The following FCAMR variants were observed in gnomAD, a reference collection of about 807,000 sequenced individuals.
The protein encoded by FCAMR is Fc alpha and mu receptor.
In FCAMR, 51 loss-of-function variants were observed where a neutral mutation model predicts 52.2. The ratio of observed to expected loss-of-function variants is 0.98; its 90% confidence interval spans 0.78 to 1.23. The LOEUF is 1.23. Among genes scored for constraint, FCAMR ranks in the 50% most tolerant of loss-of-function variants. The probability of loss-of-function intolerance (pLI) is 0.00; values close to 1 mark genes in which losing one functional copy is unlikely to be tolerated. For synonymous variants in FCAMR, 282 were observed against 262.0 expected, an observed-to-expected ratio of 1.08 and a Z score of -0.74; for missense variants, 719 against 712.6, an observed-to-expected ratio of 1.01 and a Z score of -0.10.
Position 206,959,546 on chromosome 1 carries a change from G to A in FCAMR, c.1573+133C>T. 3 of 655,962 alleles carry A rather than the reference G, an allele frequency of 4.6e-6. No homozygotes were observed. In the South Asian group the frequency reaches 6.2e-5, roughly 14 times the overall value. The allele number at this position is 655,962 out of a possible 1,614,324, so 40.6% of individuals were successfully genotyped here. A position where few individuals can be genotyped will look rare whatever the true frequency, so the allele number is the denominator to read the frequency against. On this transcript the variant is annotated intron_variant, in intron 7 of 7. Transcript: ENST00000324852. ...AGAAAAGAAACCAAGGCCAAGAGTG[G>A]TTAAATGGCTCAGCCTAGAATTTAG... is the stretch of plus-strand genomic sequence containing the variant.
At chr1:206,966,808 A>T (rs1048485254) in intron 3 of FCAMR, among the ~76,000 whole-genome samples, 1 of 152,210 alleles carries the variant, frequency 6.6e-6, no homozygotes, top group African/African-American at 2.4e-5. Flanking sequence ...TTTATTAAGC[A>T]TCTACTTGGG....
At chr1:206,959,552 T>C (rs562324212) in intron 7 of FCAMR, 127 bp downstream of exon 7, 5 of 662,666 alleles carry the variant, frequency 7.5e-6, no homozygotes, top group Admixed American at 4.7e-5. Flanking sequence ...AGTGGTTAAA[T>C]GGCTCAGCCT....
rs370988023 is a variant in FCAMR at position 206,965,836 on chromosome 1, T to C, written c.192A>G (p.Gln64=). 6.2e-7 allele frequency: 1 copy of C among 1,605,656 alleles called. No individual in the cohort carries two copies. Among genetic ancestry groups the C allele is most frequent in the Admixed American group, 1.7e-5 (1 of 58,918 alleles). ...LLQGSSFALP[Q]KRPHPRWLWE... is the part of the protein sequence containing the mutation. ...ACAGCCATCTCGGATGGGGTCTTTT[T>C]TGTGGAAGGGCGAAAGAAGAACCTG... The change falls in exon 4 of 8, where the codon CAA becomes CAG. Residue 64 remains glutamine, a synonymous_variant. Transcript: ENST00000324852.
intron 2 of FCAMR, among the ~76,000 whole-genome samples, chr1:206,967,319 C>G (rs904261972): frequency 1.3e-5 from 2 of 152,140 alleles, no homozygotes; most frequent in Non-Finnish European, 2.9e-5. Context: ...ACATTTTGGT[C>G]ACGTCCACGA....
chr1:206,958,764 G>T (rs1479016563), intron 7 of FCAMR, 88 bp from the exon 8 acceptor site: 2 of 1,559,306 alleles, frequency 1.3e-6, no homozygotes, highest in Non-Finnish European at 1.8e-6. Flanking sequence ...ACCACTGCAA[G>T]TTTTCAAGAA....
In FCAMR at chr1:206,958,000, T is replaced by C. The variant is rs914332838; in HGVS notation, c.*516A>G. On this transcript the variant is annotated 3_prime_UTR_variant, in exon 8 of 8. Transcript: ENST00000324852. ...ACACAGGTATTTATTGGGGTCCTACTGAGTTGGAAGTTCTCTGGGGGCATC... is the reference window on the plus strand; with the variant it reads ...ACACAGGTATTTATTGGGGTCCTACCGAGTTGGAAGTTCTCTGGGGGCATC... The C allele has an allele frequency of 1.3e-5, 2 of 152,234 alleles. No individual in the cohort carries two copies. The highest frequency in any genetic ancestry group is 4.8e-5 in the African/African-American group (2 of 41,432). The allele number at this position is 152,234 out of a possible 1,614,324, so 9.4% of individuals were successfully genotyped here. A position where few individuals can be genotyped will look rare whatever the true frequency, so the allele number is the denominator to read the frequency against.
chr1:206,963,031 C>A (rs1274582828), intron 4 of FCAMR, among the ~76,000 whole-genome samples: 1 of 150,054 alleles, frequency 6.7e-6, no homozygotes, highest in Non-Finnish European at 1.5e-5. Context: ...AGGACCCTTT[C>A]AGGACAACAG....
chr1:206,960,396 A>C, intron 6 of FCAMR, 26 bp downstream of exon 6: 1 of 1,464,968 alleles, frequency 6.8e-7, no homozygotes, highest in Non-Finnish European at 9.0e-7. Context: ...GGGGCCCCCC[A>C]ACCGGGAGAA....
chr1:206,969,990 G>T, intron 1 of FCAMR, 97 bp downstream of exon 1: 1 of 1,488,140 alleles, frequency 6.7e-7, no homozygotes, highest in Non-Finnish European at 9.3e-7. Flanking sequence ...CCTGCTCTGG[G>T]AAGGGCACTG....
rs530110722 is a variant in FCAMR at position 206,960,849 on chromosome 1, C to G, written c.1027G>C (p.Asp343His). 7.7e-6 allele frequency: 12 copies of G among 1,552,426 alleles called. No homozygotes were observed. The highest frequency in any genetic ancestry group is 9.6e-6 in the Non-Finnish European group (11 of 1,147,158). ...TTGGTAGTTGTCATCTCCCTCCTGT[C>G]CTTGCTGGCTCTAGCCCTGTTTGTC... Reference protein sequence around the residue: ...SVTNRARASKDRREMTTTKAD... With the variant: ...SVTNRARASKHRREMTTTKAD... The change falls in exon 6 of 8, where the codon GAC becomes CAC. Residue 343 changes from aspartate (D) to histidine (H), a missense_variant. By Grantham distance (81) the Asp-to-His change is moderately conservative. Transcript: ENST00000324852.
intron 5 of FCAMR, 101 bp downstream of exon 5, chr1:206,962,112 C>T (rs1211767718): frequency 1.7e-6 from 2 of 1,183,628 alleles, no homozygotes; most frequent in East Asian, 2.4e-5. Context: ...TGTCACTTCC[C>T]TAATGTTTCA....
intron 1 of FCAMR, chr1:206,969,412 C>T: frequency 4.9e-6 from 2 of 404,932 alleles, no homozygotes; most frequent in South Asian, 3.6e-5. Flanking sequence ...CTGCCAATGA[C>T]CTTCAGAAAT....
chr1:206,965,502 C>T lies in FCAMR; in HGVS notation c.313+213G>A, dbSNP rs2102625383. On this transcript the variant is annotated intron_variant, in intron 4 of 7. Coordinates refer to ENST00000324852, the MANE Select transcript of FCAMR (RefSeq NM_001170631.2). ...CCAGCATTTTAGGGTCAATGTGTGC[C>T]CACCTGGGGGCCCTGATGCCAACTC... Among the ~76,000 whole-genome samples, 2 of 152,224 alleles carry T rather than the reference C, an allele frequency of 1.3e-5. 1 individual carries two copies. The highest frequency in any genetic ancestry group is 4.1e-4 in the South Asian group (2 of 4,824).
Position 206,958,253 on chromosome 1 carries a change from G to A in FCAMR, c.*263C>T. 1 of 368,226 alleles carries A rather than the reference G, an allele frequency of 2.7e-6. No individual in the cohort carries two copies. Among genetic ancestry groups the A allele is most frequent in the Non-Finnish European group, 4.8e-6 (1 of 206,850 alleles). 22.8% of individuals were successfully genotyped at this position (368,226 alleles called of 1,614,324 possible). ...AAACATTCAGGAATGGAAATTTCAT[G>A]CTTTTCCTAGGTGACCTCTTCCAGT... is the stretch of plus-strand genomic sequence containing the variant. On this transcript the variant is annotated 3_prime_UTR_variant, in exon 8 of 8. Coordinates refer to ENST00000324852, the MANE Select transcript of FCAMR (RefSeq NM_001170631.2).
chr1:206,966,374 G>A (rs1014985349), intron 3 of FCAMR, among the ~76,000 whole-genome samples: 2 of 152,000 alleles, frequency 1.3e-5, no homozygotes, highest in Non-Finnish European at 2.9e-5. Context: ...CTCAAATATT[G>A]GCTACATTTT....
Position 206,959,005 on chromosome 1 carries a change from G to C in FCAMR, c.1574-329C>G, listed in dbSNP as rs199511959. ...AATTTTAGCTGGGCTTTGCCAAAGG[G>C]GGAAAATGCGAGGTTTGATCCCAGG... On this transcript the variant is annotated intron_variant, in intron 7 of 7. Coordinates refer to ENST00000324852, the MANE Select transcript of FCAMR (RefSeq NM_001170631.2). 760 of 498,282 alleles carry C rather than the reference G, an allele frequency of 1.5e-3. 3 individuals are homozygous for C. The highest frequency in any genetic ancestry group is 2.5e-3 in the Non-Finnish European group (621 of 245,768). The allele number at this position is 498,282 out of a possible 1,614,324, so 30.9% of individuals were successfully genotyped here.
At position 206,970,365 on chromosome 1, in the gene FCAMR, C is replaced by T. The variant is rs1305213091; in HGVS notation, c.-240G>A. 6.1e-6 allele frequency: 3 copies of T among 491,370 alleles called. No individual in the cohort carries two copies. Among genetic ancestry groups the T allele is most frequent in the Non-Finnish European group, 1.1e-5 (3 of 276,754 alleles). 30.4% of individuals were successfully genotyped at this position (491,370 alleles called of 1,614,324 possible). ...GAGGAAGCCAGTCCTAATCCCTTGT[C>T]ATTCTTACTGTCACTTATTCCTGAA... is the stretch of plus-strand genomic sequence containing the variant. On this transcript the variant is annotated 5_prime_UTR_variant, in exon 1 of 8. It removes an upstream start codon present in the reference 5' UTR. Transcript: ENST00000324852.
intron 3 of FCAMR, 106 bp from the exon 4 acceptor site, chr1:206,965,964 G>A: frequency 6.8e-7 from 1 of 1,478,202 alleles, no homozygotes; most frequent in Non-Finnish European, 9.3e-7. Flanking sequence ...TGCCAGGCCA[G>A]ATAGCTCCAG....
intron 6 of FCAMR, 132 bp from the exon 7 acceptor site, chr1:206,959,929 C>T (rs957529006): frequency 6.2e-5 from 44 of 705,130 alleles, no homozygotes; most frequent in Non-Finnish European, 9.7e-5. Context: ...CCCTGGTTCC[C>T]ATGGCTGGTT....
Sources: gnomAD v4.1 joint callset for allele counts (sites outside exome capture counted in the v4.1 genomes callset) on GRCh38, gnomAD v4.1.1 for gene constraint, MANE v1.5 for transcripts, NCBI Gene and HGNC (gene_info 2026-07-23, HGNC 2026-07-21) for gene names.